Variants in SLC43A2 observed in about 807,000 individuals in gnomAD.
The protein encoded by SLC43A2 is solute carrier family 43 member 2.
In SLC43A2, 38 loss-of-function variants were observed where a neutral mutation model predicts 63.2. That is an observed-to-expected ratio of 0.60 (90% confidence interval 0.46 to 0.79). The LOEUF (loss-of-function observed/expected upper bound fraction) is 0.79, where lower values mean the gene tolerates loss of function less well. SLC43A2 is among the 30% of genes least tolerant of loss of function. SLC43A2 has a pLI of 0.00. For synonymous variants in SLC43A2, 322 were observed against 331.0 expected (o/e 0.97, Z 0.30); for missense variants, 644 against 756.2 (o/e 0.85, Z 1.74).
chr17:1,586,855 G>A lies in SLC43A2; in HGVS notation c.1079-804C>T. On this transcript the variant is annotated intron_variant, in intron 9 of 13. Coordinates refer to ENST00000301335, the MANE Select transcript of SLC43A2 (RefSeq NM_152346.3). ...ACGGCTCTAGCCAGGAGGCATGTCT[G>A]GAGCTTGAGGTGAGGAGCTTCTGGG... is the stretch of plus-strand genomic sequence containing the variant. 2.9e-6 allele frequency: 4 copies of A among 1,383,494 alleles called. No homozygotes were observed. The South Asian group carries it at 4.0e-5, about 14-fold the overall frequency. The allele number at this position is 1,383,494 out of a possible 1,614,324, so 85.7% of individuals were successfully genotyped here.
At chr17:1,601,096 T>G (rs1905974789) in intron 5 of SLC43A2, among the ~76,000 whole-genome samples, 1 of 113,174 alleles carries the variant, frequency 8.8e-6, no homozygotes, top group South Asian at 2.8e-4. Context: ...TTGTTTGTTT[T>G]AAGTAAAATG....
chr17:1,616,082 T>G (rs961595053), intron 3 of SLC43A2, among the ~76,000 whole-genome samples: 1 of 151,546 alleles, frequency 6.6e-6, no homozygotes, highest in Non-Finnish European at 1.5e-5. Flanking sequence ...TATACATCAT[T>G]TATAATTCCA....
rs746970383 is a variant in SLC43A2, at chr17:1,616,586, G to A, written c.344C>T (p.Pro115Leu). 1.2e-5 allele frequency: 20 copies of A among 1,613,102 alleles called. No individual in the cohort carries two copies. The highest frequency in any genetic ancestry group is 2.2e-5 in the East Asian group (1 of 44,856). The change falls in exon 3 of 14, where the codon CCG becomes CTG. Residue 115 changes from proline (P) to leucine (L), a missense_variant. This residue lies in a region of SLC43A2 where 528 missense variants were observed against 623.6 expected (regional missense o/e 0.85). Transcript: ENST00000301335. ...CCTGCCCAGCAGCCTGAGCTTCCTCGGGCCATACTTGTCCATGACGATACC... is the reference window on the plus strand; with the variant it reads ...CCTGCCCAGCAGCCTGAGCTTCCTCAGGCCATACTTGTCCATGACGATACC... The part of the protein sequence containing the change: ...PLGIVMDKYG[P>L]RKLRLLGSAC...
chr17:1,600,152 A>ATTTT (rs1555541181), intron 5 of SLC43A2, among the ~76,000 whole-genome samples: 1 of 60,280 alleles, frequency 1.7e-5, no homozygotes, highest in Non-Finnish European at 3.2e-5. Flanking sequence ...ATATATATAT[A>ATTTT]TTTTTTTTTT....
chr17:1,578,676 C>T lies in SLC43A2; in HGVS notation c.1351-353G>A, dbSNP rs952720462. Reference sequence around the variant, plus strand: ...CGGAGTAGCTAGGATTACAGGCCCACGCCACCATGCCCGGCTAATTTTTGT... The same window carrying T: ...CGGAGTAGCTAGGATTACAGGCCCATGCCACCATGCCCGGCTAATTTTTGT... On this transcript the variant is annotated intron_variant, in intron 11 of 13. Transcript: ENST00000301335. This position sits in a 1 kb window ranked among gnomAD's most constrained non-coding sequence, Gnocchi z 6.5. The T allele has an allele frequency of 6.3e-5, 14 of 222,688 alleles. 1 individual carries two copies. Among genetic ancestry groups the T allele is most frequent in the East Asian group, 2.0e-4 (2 of 9,966 alleles). 13.8% of individuals were successfully genotyped at this position (222,688 alleles called of 1,614,324 possible).
At chr17:1,582,059 C>A (rs1034150162) in intron 11 of SLC43A2, among the ~76,000 whole-genome samples, 3 of 150,902 alleles carry the variant, frequency 2.0e-5, no homozygotes, top group South Asian at 2.1e-4. Flanking sequence ...CCTGCCTCAG[C>A]CTCCCAAAGT....
rs926572193 is a variant in SLC43A2 at position 1,575,310 on chromosome 17, C to T, written c.*294G>A. On this transcript the variant is annotated 3_prime_UTR_variant, in exon 14 of 14. Transcript: ENST00000301335. The stretch of plus-strand genomic sequence containing the variant: ...CACTGGCGGGAGAGCGCCTGCCTGC[C>T]GGGCGTTCCTGGCTCCTGCTGCAGG... 3.2e-5 allele frequency: 16 copies of T among 498,540 alleles called. No individual in the cohort carries two copies. Among genetic ancestry groups the T allele is most frequent in the African/African-American group, 1.2e-4 (6 of 50,572 alleles). The allele number at this position is 498,540 out of a possible 1,614,324, so 30.9% of individuals were successfully genotyped here. A position where few individuals can be genotyped will look rare whatever the true frequency, so the allele number is the denominator to read the frequency against.
At chr17:1,576,825 G>A in intron 12 of SLC43A2, 105 bp from the exon 13 acceptor site, 1 of 1,428,804 alleles carries the variant, frequency 7.0e-7, no homozygotes, top group East Asian at 2.5e-5. Flanking sequence ...AGAAGGGTGG[G>A]GTGCCAGCCC....
At position 1,593,421 on chromosome 17, in the gene SLC43A2, G is replaced by C; in HGVS notation, c.502-142C>G. On this transcript the variant is annotated intron_variant, in intron 5 of 13. Transcript: ENST00000301335. This position sits in a 1 kb window ranked among gnomAD's most constrained non-coding sequence, Gnocchi z 5.3. ...GTGACTCACAGGGGCATTAGTTCAG[G>C]GGCAATGACCGCTCACTGAAGGTTT... The C allele has an allele frequency of 2.7e-6, 2 of 729,092 alleles. No individual in the cohort carries two copies. The highest frequency in any genetic ancestry group is 1.6e-5 in the South Asian group (1 of 61,216). 45.2% of individuals were successfully genotyped at this position (729,092 alleles called of 1,614,324 possible). A position where few individuals can be genotyped will look rare whatever the true frequency, so the allele number is the denominator to read the frequency against.
intron 5 of SLC43A2, among the ~76,000 whole-genome samples, chr17:1,600,152 A>ATATTTTTT (rs1216616243): frequency 3.3e-5 from 2 of 60,272 alleles, no homozygotes; most frequent in Non-Finnish European, 6.4e-5. Flanking sequence ...ATATATATAT[A>ATATTTTTT]TTTTTTTTTT....
intron 5 of SLC43A2, among the ~76,000 whole-genome samples, chr17:1,602,629 G>C (rs1450357617): frequency 6.6e-6 from 1 of 151,938 alleles, no homozygotes; most frequent in Non-Finnish European, 1.5e-5. Flanking sequence ...CTGGGCGACA[G>C]AGCGAGACTC....
At chr17:1,599,425 C>T (rs891337912) in intron 5 of SLC43A2, among the ~76,000 whole-genome samples, 8 of 152,212 alleles carry the variant, frequency 5.3e-5, no homozygotes, top group African/African-American at 1.2e-4. Context: ...TGAGGCCAGA[C>T]GCAGTGGCTC....
At position 1,597,190 on chromosome 17, in the gene SLC43A2, G is replaced by A. The variant is rs142262193; in HGVS notation, c.502-3911C>T. On this transcript the variant is annotated intron_variant, in intron 5 of 13. Transcript: ENST00000301335. ...ATCGTGCCACTGCACTCCAGCCTGC[G>A]CAACAGAGCAAGACTACGTTTTAAA... is the stretch of plus-strand genomic sequence containing the variant. 3.3e-3 allele frequency among the ~76,000 whole-genome samples: 505 copies of A among 150,824 alleles called. 1 individual carries two copies. The highest frequency in any genetic ancestry group is 0.017 in the Middle Eastern group (5 of 294).
chr17:1,584,020 C>T lies in SLC43A2; in HGVS notation c.1218-684G>A, dbSNP rs866446991. 7.9e-5 allele frequency among the ~76,000 whole-genome samples: 12 copies of T among 152,068 alleles called. No homozygotes were observed. In the South Asian group the frequency reaches 1.2e-3, roughly 16 times the overall value. Reference sequence around the variant, plus strand: ...AAGCGATTCTCCTGCCTCAGCCTCCCGAGTAGCTGGGACTACAGGCACGCG... The same window carrying T: ...AAGCGATTCTCCTGCCTCAGCCTCCTGAGTAGCTGGGACTACAGGCACGCG... On this transcript the variant is annotated intron_variant, in intron 10 of 13. Coordinates refer to ENST00000301335, the MANE Select transcript of SLC43A2 (RefSeq NM_152346.3).
At chr17:1,622,436 G>A (rs578169046) in intron 2 of SLC43A2, among the ~76,000 whole-genome samples, 1 of 152,190 alleles carries the variant, frequency 6.6e-6, no homozygotes, top group African/African-American at 2.4e-5. Flanking sequence ...GTGGTGGCGG[G>A]CGCCTGCAGT....
At chr17:1,581,876 G>A (rs2076020853) in intron 11 of SLC43A2, among the ~76,000 whole-genome samples, 1 of 151,584 alleles carries the variant, frequency 6.6e-6, no homozygotes, top group Non-Finnish European at 1.5e-5. Context: ...CGCAATCTCG[G>A]CTCACTGCAA....
At chr17:1,580,587 G>T (rs985799507) in intron 11 of SLC43A2, among the ~76,000 whole-genome samples, 1 of 149,196 alleles carries the variant, frequency 6.7e-6, no homozygotes, top group Non-Finnish European at 1.5e-5. Context: ...GTTTTGGGAC[G>T]GTCTCGCTCT....
chr17:1,616,240 T>C (rs1907650435), intron 3 of SLC43A2: 6 of 328,770 alleles, frequency 1.8e-5, no homozygotes. Flanking sequence ...GAGGGAAGCA[T>C]GTCTCACACA....
At chr17:1,604,594 G>A (rs921460555) in intron 5 of SLC43A2, 53 of 790,170 alleles carry the variant, frequency 6.7e-5, no homozygotes, top group Non-Finnish European at 9.9e-5. Context: ...CTATTGTGCA[G>A]AACTCCTGGG....
Sources: allele counts gnomAD v4.1 joint callset (sites outside exome capture counted in the v4.1 genomes callset), GRCh38; gene constraint gnomAD v4.1.1; regional missense constraint gnomAD v4.1.1; non-coding constraint Gnocchi (gnomAD v3.1); transcripts MANE v1.5; gene names NCBI Gene and HGNC (gene_info 2026-07-23, HGNC 2026-07-21).